RPS17: variants seen among roughly 807,000 people sequenced by gnomAD.
The protein encoded by RPS17 is small ribosomal subunit protein eS17.
For missense variants in RPS17, 68 were observed against 182.3 expected (o/e 0.37, Z 3.61); for synonymous variants, 75 against 65.6 (o/e 1.14, Z -0.70).
intron 4 of RPS17, 169 bp from the exon 5 acceptor site, chr15:82,537,050 G>C (rs1269383069): frequency 2.7e-6 from 2 of 728,000 alleles, no homozygotes; most frequent in African/African-American, 3.5e-5. Flanking sequence ...CTTTTCCAGA[G>C]TGATCTTCCT....
intron 2 of RPS17, 128 bp from the exon 3 acceptor site, chr15:82,539,113 T>C: frequency 3.2e-6 from 3 of 940,822 alleles, no homozygotes; most frequent in Admixed American, 3.5e-5. Flanking sequence ...GAGGACTCAC[T>C]ATCCTGGGAC....
intron 3 of RPS17, chr15:82,538,671 C>T: frequency 1.5e-6 from 1 of 668,182 alleles, no homozygotes; most frequent in Non-Finnish European, 2.7e-6. Context: ...ACATTAAGGG[C>T]TCTCATGAAA....
At position 82,538,295 on chromosome 15, in the gene RPS17, C is replaced by G. The variant is rs2034276019; in HGVS notation, c.327+11G>C. 1.2e-6 allele frequency: 2 copies of G among 1,613,446 alleles called. No individual in the cohort carries two copies. The highest frequency in any genetic ancestry group is 2.7e-5 in the African/African-American group (2 of 74,906). On this transcript the variant is annotated intron_variant, in intron 4 of 4. Transcript: ENST00000647841. The stretch of plus-strand genomic sequence containing the variant: ...GGAAAATACCACTTTAGGAATCCAG[C>G]AAACACTTACCAAAAGCTTCAGCAT...
chr15:82,540,167 A>G (rs1244725640), intron 1 of RPS17, 35 bp from the exon 2 acceptor site: 13 of 1,613,486 alleles, frequency 8.1e-6, no homozygotes, highest in African/African-American at 1.3e-5. Flanking sequence ...CTCACGAGCC[A>G]GCGCAACCTT....
chr15:82,538,113 G>A lies in RPS17; in HGVS notation c.327+193C>T, dbSNP rs886374748. 1.7e-4 allele frequency: 114 copies of A among 653,780 alleles called. No homozygotes were observed. In the East Asian group the frequency reaches 2.4e-3, roughly 14 times the overall value. 40.5% of individuals were successfully genotyped at this position (653,780 alleles called of 1,614,324 possible). A position where few individuals can be genotyped will look rare whatever the true frequency, so the allele number is the denominator to read the frequency against. ...GGAAGCCACTAGATTTGGGAATCAT[G>A]ATCTTGTGGCGAACTAACTCAATGC... On this transcript the variant is annotated intron_variant, in intron 4 of 4. Coordinates refer to ENST00000647841, the MANE Select transcript of RPS17 (RefSeq NM_001021.6).
At position 82,539,904 on chromosome 15, in the gene RPS17, T is replaced by C; in HGVS notation, c.155+77A>G. On this transcript the variant is annotated intron_variant, in intron 2 of 4. Transcript: ENST00000647841. ...GGCTAACGAAACCACCAAGGCACCG[T>C]CTCTTCCCGAGTCGGAGGGCGGCAG... The C allele has an allele frequency of 1.9e-6, 3 of 1,608,082 alleles. No individual in the cohort carries two copies. In the South Asian group the frequency reaches 3.3e-5, roughly 18 times the overall value.
At chr15:82,539,512 A>T (rs1366240067) in intron 2 of RPS17, 1 of 455,958 alleles carries the variant, frequency 2.2e-6, no homozygotes, top group Non-Finnish European at 4.4e-6. Flanking sequence ...ACATTGTGAA[A>T]CCCTGTTGTC....
At chr15:82,538,144 A>T in intron 4 of RPS17, 162 bp downstream of exon 4, 1 of 743,104 alleles carries the variant, frequency 1.3e-6, no homozygotes, top group South Asian at 1.4e-5. Context: ...AATGCACACA[A>T]CTTCCGCTAC....
In RPS17 at chr15:82,536,758, T is replaced by C; in HGVS notation, c.*43A>G. On this transcript the variant is annotated 3_prime_UTR_variant, in exon 5 of 5. Coordinates refer to ENST00000647841, the MANE Select transcript of RPS17 (RefSeq NM_001021.6). ...GCAAAGATGACACAGGCAAGGCTGTTGTCCCAGATTTATTGAAAATAATAC... is the reference window on the plus strand; with the variant it reads ...GCAAAGATGACACAGGCAAGGCTGTCGTCCCAGATTTATTGAAAATAATAC... The C allele has an allele frequency of 6.2e-7, 1 of 1,610,402 alleles. No individual in the cohort carries two copies. Among genetic ancestry groups the C allele is most frequent in the Non-Finnish European group, 8.5e-7 (1 of 1,176,610 alleles).
At chr15:82,540,312 C>A in intron 1 of RPS17, 114 bp downstream of exon 1, 1 of 1,583,046 alleles carries the variant, frequency 6.3e-7, no homozygotes, top group Non-Finnish European at 8.6e-7. Context: ...GCGCTCCAGC[C>A]TGACAGGGCT....
rs991768458 is a variant in RPS17 at position 82,538,919 on chromosome 15, C to T, written c.222G>A (p.Gln74=). 1.9e-6 allele frequency: 3 copies of T among 1,613,876 alleles called. No individual in the cohort carries two copies. In the African/African-American group the frequency reaches 4.0e-5, roughly 22 times the overall value. Reference sequence around the variant, plus strand: ...TGTCTCTCCTTTCTCTCTCCTCCTCCTGCAGCTTGATGGAGATACCTCTTA... The same window carrying T: ...TGTCTCTCCTTTCTCTCTCCTCCTCTTGCAGCTTGATGGAGATACCTCTTA... ...GPVRGISIKL[Q]EEERERRDNY... Residue 74 remains glutamine, a synonymous_variant, in exon 3 of 5, where the codon CAG becomes CAA. Transcript: ENST00000647841.
chr15:82,539,888 AACC>A (rs1487454265), intron 2 of RPS17, 90 bp downstream of exon 2: 4 of 1,602,328 alleles, frequency 2.5e-6, no homozygotes, highest in African/African-American at 2.7e-5. Context: ...AGGCTAACGA[AACC>A]ACCAAGGCAC....
rs972727600 is a variant in RPS17 at position 82,540,139 on chromosome 15, G to A, written c.4-7C>T. On this transcript the variant is annotated splice_region_variant and splice_polypyrimidine_tract_variant and intron_variant, in intron 1 of 4. Coordinates refer to ENST00000647841, the MANE Select transcript of RPS17 (RefSeq NM_001021.6). ...TTTTGGTGCGAACGCGGCCCTGCGG[G>A]TGGAGAGGACAGGATCACTCACGAG... is the stretch of plus-strand genomic sequence containing the variant. 2.4e-5 allele frequency: 39 copies of A among 1,613,626 alleles called. No homozygotes were observed. The highest frequency in any genetic ancestry group is 3.2e-5 in the Non-Finnish European group (38 of 1,179,884).
At chr15:82,538,267 C>T (rs2150887415) in intron 4 of RPS17, 39 bp downstream of exon 4, 1 of 1,610,858 alleles carries the variant, frequency 6.2e-7, no homozygotes, top group South Asian at 1.1e-5. Flanking sequence ...TGGTTTTTGA[C>T]CAGGAAAATA....
At chr15:82,540,276 C>G (rs2034326314) in intron 1 of RPS17, 144 bp from the exon 2 acceptor site, 2 of 1,598,936 alleles carry the variant, frequency 1.3e-6, no homozygotes, top group Admixed American at 3.5e-5. Context: ...GGGCGCCGGG[C>G]TTAATGCGGA....
chr15:82,538,537 T>A, intron 3 of RPS17, 166 bp from the exon 4 acceptor site: 1 of 802,450 alleles, frequency 1.2e-6, no homozygotes, highest in Non-Finnish European at 2.1e-6. Context: ...CCCGATGACC[T>A]GTTCTTCTGG....
At chr15:82,539,120 G>A (rs1243022671) in intron 2 of RPS17, 135 bp from the exon 3 acceptor site, 2 of 890,968 alleles carry the variant, frequency 2.2e-6, no homozygotes, top group Non-Finnish European at 1.9e-6. Flanking sequence ...CACTATCCTG[G>A]GACCTCCTAC....
chr15:82,539,583 G>T (rs2034306504), intron 2 of RPS17: 1 of 421,220 alleles, frequency 2.4e-6, no homozygotes, highest in Non-Finnish European at 4.7e-6. Context: ...CAGCTACTGG[G>T]AAGGCTGAGG....
At chr15:82,540,209 G>T in intron 1 of RPS17, 77 bp from the exon 2 acceptor site, 1 of 1,612,156 alleles carries the variant, frequency 6.2e-7, no homozygotes, top group Admixed American at 1.7e-5. Context: ...GCCCCGGCCG[G>T]TGTGGTTGGG....
Sources: allele counts gnomAD v4.1 joint callset, GRCh38; gene constraint gnomAD v4.1.1; transcripts MANE v1.5; gene names NCBI Gene and HGNC (gene_info 2026-07-23, HGNC 2026-07-21).